Variants in PKIG observed in about 807,000 individuals in gnomAD.
The protein encoded by PKIG is cAMP-dependent protein kinase inhibitor gamma.
PKIG carries 1 observed loss-of-function variant against 6.8 expected under a neutral mutation model. The ratio of observed to expected loss-of-function variants is 0.15; its 90% confidence interval spans 0.05 to 0.69. PKIG has a LOEUF of 0.69. Among genes scored for constraint, PKIG ranks in the 30% least tolerant of loss-of-function variants. PKIG has a pLI of 0.82. For synonymous variants in PKIG, 39 were observed against 43.0 expected, an observed-to-expected ratio of 0.91 and a Z score of 0.36; for missense variants, 77 against 104.0, an observed-to-expected ratio of 0.74 and a Z score of 1.13.
At chr20:44,552,780 G>A (rs936100061) in intron 1 of PKIG, among the ~76,000 whole-genome samples, 4 of 152,122 alleles carry the variant, frequency 2.6e-5, no homozygotes, top group African/African-American at 9.7e-5. Flanking sequence ...TTATTGTAAG[G>A]GAGGTTCAGT....
chr20:44,580,645 G>T (rs1239033194), upstream of PKIG, among the ~76,000 whole-genome samples: 2 of 151,778 alleles, frequency 1.3e-5, no homozygotes, highest in Non-Finnish European at 2.9e-5. Flanking sequence ...ACCGCGCCCG[G>T]CCAGGCTGGT....
At chr20:44,607,948 G>A (rs1214686011) in intron 2 of PKIG, among the ~76,000 whole-genome samples, 4 of 145,990 alleles carry the variant, frequency 2.7e-5, no homozygotes, top group East Asian at 2.0e-4. Flanking sequence ...CCGCCGCCTC[G>A]GCCTCCCAAA....
chr20:44,618,211 G>GC, intron 3 of PKIG, 74 bp from the exon 4 acceptor site: 1 of 955,476 alleles, frequency 1.0e-6, no homozygotes, highest in Non-Finnish European at 1.7e-6. Context: ...GTTTGGCTGG[G>GC]CCCTTTCACA....
intron 1 of PKIG, among the ~76,000 whole-genome samples, chr20:44,572,957 A>C (rs1278958827): frequency 6.6e-6 from 1 of 152,336 alleles, no homozygotes; most frequent in Non-Finnish European, 1.5e-5. Context: ...CGCTGATCTA[A>C]GAAGATTCCT....
At chr20:44,576,239 C>T (rs1326338195) in intron 1 of PKIG, among the ~76,000 whole-genome samples, 2 of 151,602 alleles carry the variant, frequency 1.3e-5, no homozygotes, top group Non-Finnish European at 1.5e-5. Flanking sequence ...TTATGCCAGG[C>T]ACTCTTCTAG....
intron 1 of PKIG, among the ~76,000 whole-genome samples, chr20:44,556,130 C>T (rs2064710979): frequency 6.6e-6 from 1 of 152,230 alleles, no homozygotes; most frequent in Non-Finnish European, 1.5e-5. Flanking sequence ...TGAGCCACCA[C>T]ACCCAGCCTA....
intron 2 of PKIG, among the ~76,000 whole-genome samples, chr20:44,610,410 G>C (rs1176543380): frequency 6.6e-6 from 1 of 151,936 alleles, no homozygotes; most frequent in Non-Finnish European, 1.5e-5. Context: ...TAGGTGTTGT[G>C]GGGGGATGTG....
intron 1 of PKIG, among the ~76,000 whole-genome samples, chr20:44,571,910 A>G (rs1481567850): frequency 6.6e-6 from 1 of 152,216 alleles, no homozygotes; most frequent in East Asian, 1.9e-4. Flanking sequence ...ATGATTACAT[A>G]TTGTGGATCT....
chr20:44,605,061 T>G (rs1568832347), intron 2 of PKIG, among the ~76,000 whole-genome samples: 1 of 152,128 alleles, frequency 6.6e-6, no homozygotes, highest in African/African-American at 2.4e-5. Flanking sequence ...GAAACCATCC[T>G]ACAACATGAT....
intron 1 of PKIG, among the ~76,000 whole-genome samples, chr20:44,533,947 A>G (rs2064490127): frequency 6.6e-6 from 1 of 152,162 alleles, no homozygotes; most frequent in Non-Finnish European, 1.5e-5. Flanking sequence ...CATTGAGCAG[A>G]TTTGGTGAAA....
chr20:44,553,935 G>C (rs2123206672), intron 1 of PKIG, among the ~76,000 whole-genome samples: 1 of 152,214 alleles, frequency 6.6e-6, no homozygotes, highest in Admixed American at 6.5e-5. Flanking sequence ...TGAGTCTTGG[G>C]GTCGAGAGAA....
rs536254557 is a variant in PKIG at position 44,604,215 on chromosome 20, G to A, written c.-23-10319G>A. On this transcript the variant is annotated intron_variant, in intron 2 of 3. Transcript: ENST00000372886. Reference sequence around the variant, plus strand: ...TGGGTAATTGAGCTTTAAGGTGCAGGATGCCTTCTTAAAGAGAGGAAGAAG... The same window carrying A: ...TGGGTAATTGAGCTTTAAGGTGCAGAATGCCTTCTTAAAGAGAGGAAGAAG... 1.8e-4 allele frequency among the ~76,000 whole-genome samples: 28 copies of A among 152,344 alleles called. 1 individual carries two copies. In the South Asian group the frequency reaches 3.7e-3, roughly 20 times the overall value.
chr20:44,614,781 C>T lies in PKIG; in HGVS notation c.151+74C>T. On this transcript the variant is annotated intron_variant, in intron 3 of 3. Coordinates refer to ENST00000372886, the MANE Select transcript of PKIG (RefSeq NM_001281445.2). The surrounding 1 kb of genome is among the most constrained non-coding windows in gnomAD (Gnocchi z 4.6). ...CCGGGCCCCGGGCTAGCCTCCAAGT[C>T]CTAGACTGCCCATACTTTCTTAGAG... The T allele has an allele frequency of 6.8e-7, 1 of 1,460,198 alleles. No homozygotes were observed. The highest frequency in any genetic ancestry group is 9.4e-7 in the Non-Finnish European group (1 of 1,061,008). The allele number at this position is 1,460,198 out of a possible 1,614,324, so 90.5% of individuals were successfully genotyped here.
At chr20:44,536,204 C>T (rs536520653) in intron 1 of PKIG, among the ~76,000 whole-genome samples, 121 of 152,238 alleles carry the variant, frequency 7.9e-4, no homozygotes, top group African/African-American at 2.9e-3. Flanking sequence ...TTTGTTTATC[C>T]ATTCATCGAT....
chr20:44,568,148 A>G (rs529775729), intron 1 of PKIG, among the ~76,000 whole-genome samples: 1 of 152,298 alleles, frequency 6.6e-6, no homozygotes, highest in East Asian at 1.9e-4. Flanking sequence ...CTGAAAATAA[A>G]TAAATAAATA....
At chr20:44,566,032 G>A (rs73615483) in intron 1 of PKIG, among the ~76,000 whole-genome samples, 2 of 152,170 alleles carry the variant, frequency 1.3e-5, no homozygotes, top group Non-Finnish European at 2.9e-5. Context: ...AAAGCACTGG[G>A]ATTACAGGCG....
chr20:44,580,888 T>A (rs997701540), upstream of PKIG, among the ~76,000 whole-genome samples: 3 of 152,176 alleles, frequency 2.0e-5, no homozygotes, highest in East Asian at 3.8e-4. Flanking sequence ...CCCATCACCA[T>A]CAAAGTGGCA....
chr20:44,584,920 C>T (rs1476723678), intron 1 of PKIG, among the ~76,000 whole-genome samples: 1 of 152,088 alleles, frequency 6.6e-6, no homozygotes, highest in African/African-American at 2.4e-5. Flanking sequence ...GATGGGGTCT[C>T]TTGGCACTTC....
intron 1 of PKIG, among the ~76,000 whole-genome samples, chr20:44,567,240 C>G (rs896445083): frequency 4.6e-5 from 7 of 152,158 alleles, no homozygotes; most frequent in African/African-American, 1.7e-4. Context: ...AGAGAAAACC[C>G]TATTCCTGCC....
Sources: gnomAD v4.1 joint callset for allele counts (sites outside exome capture counted in the v4.1 genomes callset) on GRCh38, gnomAD v4.1.1 for gene constraint, Gnocchi (gnomAD v3.1) non-coding constraint, MANE v1.5 for transcripts, NCBI Gene and HGNC (gene_info 2026-07-23, HGNC 2026-07-21) for gene names.